ZNF407: variants seen among roughly 807,000 people sequenced by gnomAD.
ZNF407 encodes the protein zinc finger protein 407.
A neutral mutation model predicts 131.2 loss-of-function variants in ZNF407; 17 were observed. That is an observed-to-expected ratio of 0.13 (90% CI 0.09 to 0.19). The LOEUF is 0.19. Ranked by LOEUF, ZNF407 falls within the 10% of genes least tolerant of loss-of-function variation. ZNF407 has a pLI of 1.00. For synonymous variants in ZNF407, 1,156 were observed against 1,062.0 expected, an observed-to-expected ratio of 1.09 and a Z score of -1.72; for missense variants, 2,681 against 2,830.6, an observed-to-expected ratio of 0.95 and a Z score of 1.20.
chr18:75,052,810 C>T (rs979723461), intron 8 of ZNF407, among the ~76,000 whole-genome samples: 6 of 152,210 alleles, frequency 3.9e-5, no homozygotes, highest in African/African-American at 1.4e-4. Context: ...TGCTTTCCTG[C>T]ACGTGCACCC....
At position 75,021,315 on chromosome 18, in the gene ZNF407, C is replaced by CT. The variant is rs1270748126; in HGVS notation, c.5429-41834dup. On this transcript the variant is annotated intron_variant, in intron 8 of 8. Transcript: ENST00000299687. ...ACAGGGTCCTGCTCTGTCACCCAGG[C>CT]TGGAGTACAGTGGTGCAATCATGGC... 4.1e-4 allele frequency among the ~76,000 whole-genome samples: 62 copies of CT among 152,126 alleles called. No homozygotes were observed. The Middle Eastern group carries it at 0.024, about 58-fold the overall frequency.
chr18:75,060,607 G>A (rs1020880188), intron 8 of ZNF407, among the ~76,000 whole-genome samples: 1 of 140,696 alleles, frequency 7.1e-6, no homozygotes, highest in Non-Finnish European at 1.5e-5. Context: ...CCGGGTTCCC[G>A]CCATTCTCCT....
At chr18:74,627,367 CA>C (rs1227549169) in intron 1 of ZNF407, among the ~76,000 whole-genome samples, 2 of 152,204 alleles carry the variant, frequency 1.3e-5, no homozygotes, top group Admixed American at 1.3e-4. Flanking sequence ...ATACTGTAGG[CA>C]CTAAGTGAAG....
At chr18:74,944,327 A>G (rs1265768113) in intron 8 of ZNF407, among the ~76,000 whole-genome samples, 1 of 152,240 alleles carries the variant, frequency 6.6e-6, no homozygotes, top group African/African-American at 2.4e-5. Flanking sequence ...ATTACCTGAC[A>G]GCAATTGATA....
At chr18:74,711,501 C>T (rs1168180813) in intron 3 of ZNF407, among the ~76,000 whole-genome samples, 1 of 152,150 alleles carries the variant, frequency 6.6e-6, no homozygotes, top group Non-Finnish European at 1.5e-5. Flanking sequence ...GGGCCATGAG[C>T]CAGCAAGTGT....
intron 3 of ZNF407, among the ~76,000 whole-genome samples, chr18:74,772,397 G>A (rs1969381123): frequency 2.0e-5 from 3 of 152,098 alleles, no homozygotes; most frequent in African/African-American, 7.2e-5. Flanking sequence ...TTCTTTTCAT[G>A]TATATATTTG....
rs764212186 is a variant in ZNF407, at chr18:74,908,000, C to T, written c.5250-12514C>T. On this transcript the variant is annotated intron_variant, in intron 7 of 8. Transcript: ENST00000299687. ...TGATCACTGTGTAATGATTACATAA[C>T]TATCTGTATTTCTCCAATTATGAAT... Among the ~76,000 whole-genome samples, 12 of 152,086 alleles carry T rather than the reference C, an allele frequency of 7.9e-5. 1 individual carries two copies. Among genetic ancestry groups the T allele is most frequent in the Non-Finnish European group, 1.5e-4 (10 of 68,016 alleles).
intron 3 of ZNF407, among the ~76,000 whole-genome samples, chr18:74,769,795 C>G (rs1969323970): frequency 6.6e-6 from 1 of 152,096 alleles, no homozygotes; most frequent in Non-Finnish European, 1.5e-5. Context: ...GTCTCAAACT[C>G]AAAAATAATA....
Position 74,825,276 on chromosome 18 carries a change from C to A in ZNF407, c.4877+43774C>A, listed in dbSNP as rs555024705. Among the ~76,000 whole-genome samples, 197 of 152,214 alleles carry A rather than the reference C, an allele frequency of 1.3e-3. 1 individual carries two copies. The South Asian group carries it at 0.016, about 12-fold the overall frequency. ...AACTGGAAGCATTCCCTTTGTAAAC[C>A]GGCACCAGACAAGGATGCCCTCTCT... On this transcript the variant is annotated intron_variant, in intron 4 of 8. Coordinates refer to ENST00000299687, the MANE Select transcript of ZNF407 (RefSeq NM_017757.3).
chr18:74,787,489 G>A (rs1239813054), intron 4 of ZNF407, among the ~76,000 whole-genome samples: 1 of 152,190 alleles, frequency 6.6e-6, no homozygotes. Flanking sequence ...CAGAATCTCA[G>A]GATTGCAGGC....
intron 5 of ZNF407, 131 bp downstream of exon 5, chr18:74,877,494 T>G: frequency 1.1e-6 from 1 of 899,466 alleles, no homozygotes; most frequent in South Asian, 1.7e-5. Context: ...AAGATTGTGG[T>G]AATTATGTAT....
chr18:74,816,093 C>G (rs979917596), intron 4 of ZNF407, among the ~76,000 whole-genome samples: 1 of 152,106 alleles, frequency 6.6e-6, no homozygotes, highest in Non-Finnish European at 1.5e-5. Flanking sequence ...AGGATACTCT[C>G]GTATGAAGGG....
chr18:75,049,135 C>G (rs1973470429), intron 8 of ZNF407, among the ~76,000 whole-genome samples: 1 of 150,524 alleles, frequency 6.6e-6, no homozygotes, highest in African/African-American at 2.5e-5. Context: ...TCGTCATGAT[C>G]TCACTGTCAG....
At chr18:74,928,985 TA>T (rs1971948548) in intron 8 of ZNF407, among the ~76,000 whole-genome samples, 1 of 152,178 alleles carries the variant, frequency 6.6e-6, no homozygotes. Flanking sequence ...TAGCGTTCTG[TA>T]AAGTCCTGAA....
At chr18:74,898,355 A>G (rs1196476658) in intron 7 of ZNF407, 1 of 152,072 alleles carries the variant, frequency 6.6e-6, no homozygotes, top group Non-Finnish European at 1.5e-5. Context: ...TTTCCTATTC[A>G]TATTATTTTC....
chr18:75,034,944 T>C (rs1298180332), intron 8 of ZNF407, among the ~76,000 whole-genome samples: 2 of 152,218 alleles, frequency 1.3e-5, no homozygotes, highest in Non-Finnish European at 2.9e-5. Flanking sequence ...TGCTGCCATT[T>C]AATGCACAAG....
chr18:74,740,631 A>G (rs1320671172), intron 3 of ZNF407, among the ~76,000 whole-genome samples: 1 of 152,118 alleles, frequency 6.6e-6, no homozygotes. Flanking sequence ...GTCCAAATGC[A>G]GGGTTAGAGT....
chr18:74,856,355 T>C (rs536741820), intron 4 of ZNF407, among the ~76,000 whole-genome samples: 65 of 152,362 alleles, frequency 4.3e-4, no homozygotes, highest in Admixed American at 3.6e-3. Flanking sequence ...GTTTGCCCCT[T>C]TATTTTTTCC....
At chr18:74,720,080 C>T (rs940095518) in intron 3 of ZNF407, among the ~76,000 whole-genome samples, 1 of 151,998 alleles carries the variant, frequency 6.6e-6, no homozygotes, top group Non-Finnish European at 1.5e-5. Flanking sequence ...GAAGAAGTTC[C>T]TTATTGTATT....
Sources: gnomAD v4.1 joint callset for allele counts (sites outside exome capture counted in the v4.1 genomes callset) on GRCh38, gnomAD v4.1.1 for gene constraint, MANE v1.5 for transcripts, NCBI Gene and HGNC (gene_info 2026-07-23, HGNC 2026-07-21) for gene names.